Variants in NCOR2 observed in about 807,000 individuals in gnomAD.
NCOR2 encodes the protein nuclear receptor corepressor 2.
In NCOR2, 81 loss-of-function variants were observed where a neutral mutation model predicts 262.9. The ratio of observed to expected loss-of-function variants is 0.31; its 90% CI spans 0.26 to 0.37. The LOEUF is 0.37. Among genes scored for constraint, NCOR2 ranks in the 10% least tolerant of loss-of-function variants. NCOR2 has a pLI of 1.00. For synonymous variants in NCOR2, 1,659 were observed against 1,559.3 expected (o/e 1.06, Z -1.51); for missense variants, 3,385 against 3,621.4 (o/e 0.93, Z 1.68).
intron 33 of NCOR2, among the ~76,000 whole-genome samples, chr12:124,342,598 G>A (rs965886694): frequency 4.6e-5 from 7 of 152,132 alleles, no homozygotes; most frequent in Admixed American, 4.6e-4. Context: ...TCTATCTCCT[G>A]ACCTTGTGAT....
Position 124,402,566 on chromosome 12 carries a change from C to CA in NCOR2, c.1483-6dup, listed in dbSNP as rs1459935320. ...CTGCTGCTGTTGTTGCTGCTGCTGT[C>CA]AGACCCCGGGGGAGGGCAGAGGGGA... On this transcript the variant is annotated splice_polypyrimidine_tract_variant and splice_region_variant and intron_variant, in intron 13 of 46. Transcript: ENST00000405201. The CA allele has an allele frequency of 6.5e-7, 1 of 1,545,330 alleles. No homozygotes were observed. The highest frequency in any genetic ancestry group is 2.4e-5 in the East Asian group (1 of 41,178).
chr12:124,337,987 G>A (rs2036036344), intron 37 of NCOR2, among the ~76,000 whole-genome samples: 2 of 152,230 alleles, frequency 1.3e-5, no homozygotes, highest in African/African-American at 4.8e-5. Flanking sequence ...ATCCCACAGA[G>A]CCTGTGTGCG....
rs944356453 is a variant in NCOR2, at chr12:124,432,084, G to GAC, written c.883-1299_883-1298dup. Reference sequence around the variant, plus strand: ...ACACAGGCGGTCACACAGGCAGGCAGACACACACACACGGTCATCCAGGCA... The same window carrying GAC: ...ACACAGGCGGTCACACAGGCAGGCAGACACACACACACACGGTCATCCAGGCA... On this transcript the variant is annotated intron_variant, in intron 8 of 46. Coordinates refer to ENST00000405201, the Ensembl canonical transcript of NCOR2. The surrounding 1 kb of genome is among the most constrained non-coding windows in gnomAD (Gnocchi z 5.1). Among the ~76,000 whole-genome samples the GAC allele has an allele frequency of 6.6e-6, 1 of 151,500 alleles. No individual in the cohort carries two copies. The highest frequency in any genetic ancestry group is 2.4e-5 in the African/African-American group (1 of 41,182).
intron 20 of NCOR2, 137 bp from the exon 23 acceptor site, chr12:124,363,936 T>G (rs75164514): frequency 0.13 from 83,097 of 644,434 alleles, 5,971 homozygotes; most frequent in Non-Finnish European, 0.14. Context: ...GAGGCGACTG[T>G]GCAGCTCACC....
chr12:124,490,490 T>C (rs1245801913), intron 1 of NCOR2, among the ~76,000 whole-genome samples: 1 of 151,818 alleles, frequency 6.6e-6, no homozygotes, highest in African/African-American at 2.4e-5. Context: ...TCCCAATGAA[T>C]GAATGAATCT....
chr12:124,350,068 C>G (rs2037312903), intron 28 of NCOR2, among the ~76,000 whole-genome samples: 1 of 152,118 alleles, frequency 6.6e-6, no homozygotes. Context: ...TTCATCTCCA[C>G]ACCCCTGGGT....
At chr12:124,467,804 T>C (rs1029002810) in intron 4 of NCOR2, among the ~76,000 whole-genome samples, 7 of 45,930 alleles carry the variant, frequency 1.5e-4, no homozygotes, top group Non-Finnish European at 1.7e-4. Flanking sequence ...ACCCCCATCA[T>C]CCTCATCCTT....
chr12:124,436,782 T>G (rs2044358086), intron 8 of NCOR2, among the ~76,000 whole-genome samples: 1 of 152,096 alleles, frequency 6.6e-6, no homozygotes, highest in Non-Finnish European at 1.5e-5. Flanking sequence ...CATAAGGAGT[T>G]GAAAAAACTG....
exon 26 of NCOR2, chr12:124,354,504 G>A (rs1455385050): frequency 9.5e-6 from 15 of 1,586,646 alleles, no homozygotes; most frequent in Non-Finnish European, 1.2e-5. Flanking sequence ...CTCCTGGGCT[G>A]TGGGCACCCC....
intron 20 of NCOR2, among the ~76,000 whole-genome samples, chr12:124,371,530 C>T (rs542613286): frequency 1.3e-5 from 2 of 152,372 alleles, no homozygotes; most frequent in South Asian, 2.1e-4. Flanking sequence ...GGTCATGTGA[C>T]AGCAGAGCCA....
At chr12:124,449,495 G>A (rs1384967036) in intron 7 of NCOR2, among the ~76,000 whole-genome samples, 1 of 152,178 alleles carries the variant, frequency 6.6e-6, no homozygotes, top group African/African-American at 2.4e-5. Flanking sequence ...GCTCCCTCCT[G>A]CTCGAACAGG....
intron 6 of NCOR2, among the ~76,000 whole-genome samples, chr12:124,450,874 T>G (rs1487633396): frequency 6.6e-6 from 1 of 152,204 alleles, no homozygotes; most frequent in African/African-American, 2.4e-5. Flanking sequence ...ATCTATAAAA[T>G]GGGGTTAAAC....
At chr12:124,381,359 CATCA>C (rs1417127677) in intron 17 of NCOR2, among the ~76,000 whole-genome samples, 1 of 152,168 alleles carries the variant, frequency 6.6e-6, no homozygotes, top group Non-Finnish European at 1.5e-5. Flanking sequence ...CTGATCACTC[CATCA>C]TTAGCTCATC....
chr12:124,468,349 C>T (rs1480590292), intron 4 of NCOR2, among the ~76,000 whole-genome samples: 4 of 54,146 alleles, frequency 7.4e-5, no homozygotes, highest in African/African-American at 3.2e-4. Flanking sequence ...CTCCTCACCC[C>T]CATCATCCTC....
chr12:124,422,373 T>C (rs2043257217), intron 12 of NCOR2, 128 bp downstream of exon 14: 3 of 1,053,098 alleles, frequency 2.8e-6, no homozygotes, highest in Non-Finnish European at 2.8e-6. Flanking sequence ...GAGGGGAGCA[T>C]GGCAGCTGGA....
chr12:124,376,312 G>A (rs115205529), intron 18 of NCOR2, among the ~76,000 whole-genome samples: 3,204 of 152,288 alleles, frequency 0.021, 133 homozygotes, highest in African/African-American at 0.073. Flanking sequence ...TGCGGGGGTC[G>A]TTGCCACACA....
intron 1 of NCOR2, among the ~76,000 whole-genome samples, chr12:124,545,209 A>G (rs1041984215): frequency 2.6e-5 from 4 of 151,904 alleles, no homozygotes; most frequent in Admixed American, 1.3e-4. Context: ...AGGGGGAGGG[A>G]GCAGAGTCTC....
At chr12:124,420,949 C>T (rs940846044) in intron 12 of NCOR2, among the ~76,000 whole-genome samples, 2 of 152,218 alleles carry the variant, frequency 1.3e-5, no homozygotes, top group Non-Finnish European at 2.9e-5. Flanking sequence ...CCCAGGCGGC[C>T]CCAGGCTAAA....
At chr12:124,501,071 C>CACAG (rs1478049195) in intron 1 of NCOR2, among the ~76,000 whole-genome samples, 1 of 31,900 alleles carries the variant, frequency 3.1e-5, no homozygotes, top group African/African-American at 6.9e-5. Flanking sequence ...CGCACACACA[C>CACAG]ACACACACAC....
Sources: gnomAD v4.1 joint callset for allele counts (sites outside exome capture counted in the v4.1 genomes callset) on GRCh38, gnomAD v4.1.1 for gene constraint, Gnocchi (gnomAD v3.1) non-coding constraint, MANE v1.5 for transcripts, NCBI Gene and HGNC (gene_info 2026-07-23, HGNC 2026-07-21) for gene names.